PAX5: variants seen among roughly 807,000 people sequenced by gnomAD.
PAX5 encodes the protein paired box 5.
A neutral mutation model predicts 43.7 loss-of-function variants in PAX5; 9 were observed. The observed-to-expected ratio is 0.21, with a 90% CI of 0.12 to 0.36. The LOEUF (loss-of-function observed/expected upper bound fraction) is 0.36, where lower values mean the gene tolerates loss of function less well. Ranked by LOEUF, PAX5 falls within the 10% of genes least tolerant of loss-of-function variation. The probability of loss-of-function intolerance (pLI) is 1.00; values close to 1 mark genes in which losing one functional copy is unlikely to be tolerated. For synonymous variants in PAX5, 228 were observed against 214.3 expected (o/e 1.06, Z -0.56); for missense variants, 383 against 532.7 (o/e 0.72, Z 2.77).
At chr9:36,989,134 C>T (rs1232788166) in intron 5 of PAX5, among the ~76,000 whole-genome samples, 1 of 152,200 alleles carries the variant, frequency 6.6e-6, no homozygotes, top group Non-Finnish European at 1.5e-5. Flanking sequence ...AAATGGCGTA[C>T]CCCTGAGTGA....
intron 7 of PAX5, among the ~76,000 whole-genome samples, chr9:36,893,780 G>T (rs139209937): frequency 1.3e-5 from 2 of 152,212 alleles, no homozygotes; most frequent in Admixed American, 6.5e-5. Flanking sequence ...ACTTACAGAC[G>T]TGCAGAGCCT....
intron 6 of PAX5, among the ~76,000 whole-genome samples, chr9:36,929,446 T>TGTGTAAGTG (rs1290002023): frequency 6.6e-6 from 1 of 152,192 alleles, no homozygotes; most frequent in Non-Finnish European, 1.5e-5. Context: ...CAGTCACAGA[T>TGTGTAAGTG]GTGTAAGTGT....
intron 7 of PAX5, among the ~76,000 whole-genome samples, chr9:36,915,326 A>G (rs1331312900): frequency 1.3e-5 from 2 of 152,258 alleles, no homozygotes; most frequent in African/African-American, 4.8e-5. Flanking sequence ...GTATGCTCTT[A>G]TAACAGTGTG....
At chr9:36,931,850 CAAAAA>C (rs35505557) in intron 6 of PAX5, among the ~76,000 whole-genome samples, 2 of 121,276 alleles carry the variant, frequency 1.6e-5, no homozygotes. Context: ...GACTCTGTCT[CAAAAA>C]AAAAAAAAAA....
chr9:37,019,630 C>T (rs929660932), intron 2 of PAX5, among the ~76,000 whole-genome samples: 6 of 152,214 alleles, frequency 3.9e-5, no homozygotes, highest in Admixed American at 3.9e-4. Flanking sequence ...AAAATATTTA[C>T]CTCCTATTCA....
Position 36,836,125 on chromosome 9 carries a change from G to A in PAX5, c.*4435C>T, listed in dbSNP as rs1821623933. 4.3e-6 allele frequency: 1 copy of A among 233,344 alleles called. No individual in the cohort carries two copies. Among genetic ancestry groups the A allele is most frequent in the Non-Finnish European group, 8.5e-6 (1 of 118,208 alleles). The allele number at this position is 233,344 out of a possible 1,614,324, so 14.5% of individuals were successfully genotyped here. A position where few individuals can be genotyped will look rare whatever the true frequency, so the allele number is the denominator to read the frequency against. Reference sequence around the variant, plus strand: ...TCTGGTAAATGGATTTCACCCCTCAGTGCCCTGTGGCCACATCTGAGTCTC... The same window carrying A: ...TCTGGTAAATGGATTTCACCCCTCAATGCCCTGTGGCCACATCTGAGTCTC... On this transcript the variant is annotated 3_prime_UTR_variant, in exon 10 of 10. Transcript: ENST00000358127.
chr9:36,913,830 C>T (rs1205143975), intron 7 of PAX5, among the ~76,000 whole-genome samples: 7 of 152,170 alleles, frequency 4.6e-5, no homozygotes, highest in Admixed American at 6.5e-5. Flanking sequence ...TGGGCACCTA[C>T]AGCACTCTGG....
intron 8 of PAX5, among the ~76,000 whole-genome samples, chr9:36,878,107 A>G (rs866124274): frequency 3.9e-5 from 6 of 152,148 alleles, no homozygotes; most frequent in African/African-American, 1.4e-4. Context: ...AGCCCTGGCG[A>G]CACCTTGATT....
intron 7 of PAX5, among the ~76,000 whole-genome samples, chr9:36,911,705 A>G (rs539982897): frequency 2.0e-5 from 3 of 152,372 alleles, no homozygotes; most frequent in Admixed American, 6.5e-5. Context: ...GCTCATAAAA[A>G]TGGGTCAAAG....
chr9:36,926,084 T>C (rs1830618727), intron 6 of PAX5, among the ~76,000 whole-genome samples: 1 of 152,196 alleles, frequency 6.6e-6, no homozygotes, highest in African/African-American at 2.4e-5. Context: ...CATCCCCATT[T>C]TACAGATGAA....
At chr9:36,947,885 C>T (rs369882324) in intron 6 of PAX5, among the ~76,000 whole-genome samples, 1 of 152,018 alleles carries the variant, frequency 6.6e-6, no homozygotes, top group East Asian at 1.9e-4. Flanking sequence ...CTACCTGGCA[C>T]CCTCTTCCTC....
chr9:36,841,372 C>T (rs987855606), intron 9 of PAX5, among the ~76,000 whole-genome samples: 1 of 152,236 alleles, frequency 6.6e-6, no homozygotes, highest in African/African-American at 2.4e-5. Context: ...TGTGCCTTTC[C>T]CCACAATGTG....
chr9:36,875,087 A>C (rs1484150936), intron 8 of PAX5, among the ~76,000 whole-genome samples: 1 of 152,214 alleles, frequency 6.6e-6, no homozygotes, highest in Non-Finnish European at 1.5e-5. Flanking sequence ...AGTCTGGCTC[A>C]GGTCCATGCT....
Position 36,969,649 on chromosome 9 carries a change from C to T in PAX5, c.605-2925G>A, listed in dbSNP as rs544971899. ...AGACTGGCTGCGTCCTGCTCTGGTT[C>T]TTTGAGAGTCAGCCATAGCCTCTGC... On this transcript the variant is annotated intron_variant, in intron 5 of 9. Coordinates refer to ENST00000358127, the MANE Select transcript of PAX5 (RefSeq NM_016734.3). 4.4e-4 allele frequency among the ~76,000 whole-genome samples: 67 copies of T among 152,376 alleles called. 1 individual carries two copies. Among genetic ancestry groups the T allele is most frequent in the African/African-American group, 1.5e-3 (63 of 41,590 alleles).
At chr9:36,935,510 AC>A (rs1411608808) in intron 6 of PAX5, among the ~76,000 whole-genome samples, 4 of 152,072 alleles carry the variant, frequency 2.6e-5, no homozygotes, top group Non-Finnish European at 4.4e-5. Flanking sequence ...CCTCAGGCAC[AC>A]CCCCAGACAG....
At chr9:37,017,671 C>T (rs139889757) in intron 2 of PAX5, among the ~76,000 whole-genome samples, 16 of 152,332 alleles carry the variant, frequency 1.1e-4, no homozygotes, top group African/African-American at 3.8e-4. Context: ...GGGTGGCAAG[C>T]TGAAGGTCCC....
chr9:36,956,959 C>G (rs1372489829), intron 6 of PAX5, among the ~76,000 whole-genome samples: 1 of 152,198 alleles, frequency 6.6e-6, no homozygotes, highest in Non-Finnish European at 1.5e-5. Flanking sequence ...GTTCAGTGAA[C>G]AGGAAGGTAT....
chr9:36,864,026 T>C (rs1824533329), intron 8 of PAX5, among the ~76,000 whole-genome samples: 2 of 152,190 alleles, frequency 1.3e-5, no homozygotes, highest in Admixed American at 6.5e-5. Context: ...GAAGAATTGC[T>C]TGAACCCACG....
At chr9:36,987,964 C>T (rs1230909083) in intron 5 of PAX5, among the ~76,000 whole-genome samples, 1 of 152,108 alleles carries the variant, frequency 6.6e-6, no homozygotes, top group African/African-American at 2.4e-5. Flanking sequence ...AACAAAAGTA[C>T]TATTCAGAAG....
Sources: allele counts gnomAD v4.1 joint callset (sites outside exome capture counted in the v4.1 genomes callset), GRCh38; gene constraint gnomAD v4.1.1; transcripts MANE v1.5; gene names NCBI Gene and HGNC (gene_info 2026-07-23, HGNC 2026-07-21).